The following THSD7A variants were observed in gnomAD, a reference collection of about 807,000 sequenced individuals.
THSD7A encodes thrombospondin type-1 domain-containing protein 7A.
Under a neutral mutation model 231.3 loss-of-function variants are expected in THSD7A, and 96 were observed. The observed-to-expected ratio is 0.41, with a 90% CI of 0.35 to 0.49. THSD7A has a LOEUF of 0.49. Ranked by LOEUF, THSD7A falls within the 20% of genes least tolerant of loss-of-function variation. THSD7A has a pLI of 0.05. For missense variants in THSD7A, 2,290 were observed against 2,070.2 expected (o/e 1.11, Z -2.06); for synonymous variants, 940 against 743.3 (o/e 1.26, Z -4.30).
intron 1 of THSD7A, among the ~76,000 whole-genome samples, chr7:11,718,068 A>G (rs887599262): frequency 1.3e-5 from 2 of 151,712 alleles, no homozygotes; most frequent in Non-Finnish European, 3.0e-5. Flanking sequence ...AGTAATTTGC[A>G]TAAGAGGAAA....
Position 11,616,623 on chromosome 7 carries a change from G to A in THSD7A, c.1022+19507C>T, listed in dbSNP as rs148859098. Among the ~76,000 whole-genome samples, 732 of 152,226 alleles carry A rather than the reference G, an allele frequency of 4.8e-3. 3 individuals are homozygous for A. Among genetic ancestry groups the A allele is most frequent in the Middle Eastern group, 6.8e-3 (2 of 294 alleles). ...TTTCTCTTACTCACTTAAGTGCCAG[G>A]AAGTAGTTCCCTTTCTTCTTGGTTC... is the stretch of plus-strand genomic sequence containing the variant. On this transcript the variant is annotated intron_variant, in intron 2 of 27. Transcript: ENST00000423059.
At chr7:11,763,096 C>T (rs1351985460) in intron 1 of THSD7A, among the ~76,000 whole-genome samples, 1 of 152,152 alleles carries the variant, frequency 6.6e-6, no homozygotes, top group Admixed American at 6.5e-5. Flanking sequence ...CAGAAAAAGA[C>T]AAAAGCTAAC....
At chr7:11,588,025 A>G (rs1325910955) in intron 4 of THSD7A, among the ~76,000 whole-genome samples, 1 of 152,210 alleles carries the variant, frequency 6.6e-6, no homozygotes, top group East Asian at 1.9e-4. Context: ...TGAGTTGTTC[A>G]TAGTACAGGT....
intron 1 of THSD7A, among the ~76,000 whole-genome samples, chr7:11,755,578 G>C (rs917289548): frequency 5.9e-5 from 9 of 152,034 alleles, no homozygotes; most frequent in Admixed American, 5.9e-4. Flanking sequence ...CGGGTAGAAA[G>C]AGCCTCGGAT....
At chr7:11,796,984 G>C (rs981682043) in intron 1 of THSD7A, among the ~76,000 whole-genome samples, 8 of 151,714 alleles carry the variant, frequency 5.3e-5, no homozygotes, top group African/African-American at 1.9e-4. Context: ...TTTCATTTCT[G>C]ATTTGACTTG....
chr7:11,639,742 G>C (rs1333161570), intron 1 of THSD7A, among the ~76,000 whole-genome samples: 4 of 152,086 alleles, frequency 2.6e-5, no homozygotes, highest in African/African-American at 7.2e-5. Context: ...TTTTATTATA[G>C]AAATCTGAGT....
At position 11,553,958 on chromosome 7, in the gene THSD7A, TTATATC is replaced by T. The variant is rs370201737; in HGVS notation, c.1454-10847_1454-10842del. On this transcript the variant is annotated intron_variant, in intron 4 of 27. Transcript: ENST00000423059. ...AAAGATAGTTTATATATCTTATAAA[TTATATC>T]TATAATTTTTAAATTAAATGTTTTG... Among the ~76,000 whole-genome samples the T allele has an allele frequency of 3.4e-3, 520 of 152,040 alleles. 3 individuals are homozygous for T. The highest frequency in any genetic ancestry group is 0.012 in the African/African-American group (496 of 41,510).
intron 6 of THSD7A, among the ~76,000 whole-genome samples, chr7:11,541,183 G>T (rs1017217856): frequency 1.3e-5 from 2 of 151,992 alleles, no homozygotes; most frequent in Non-Finnish European, 2.9e-5. Context: ...GATCTGTTCT[G>T]TTTTCACATT....
intron 4 of THSD7A, among the ~76,000 whole-genome samples, chr7:11,577,200 TTTTCACAGTAC>T (rs1790951971): frequency 6.6e-6 from 1 of 152,256 alleles, no homozygotes; most frequent in Non-Finnish European, 1.5e-5. Flanking sequence ...CATAACTGTA[TTTTCACAGTAC>T]TTCTGGGATT....
At chr7:11,480,253 G>A (rs116147353) in intron 7 of THSD7A, among the ~76,000 whole-genome samples, 152 of 152,244 alleles carry the variant, frequency 1.0e-3, no homozygotes, top group African/African-American at 3.5e-3. Context: ...AACATTTCAT[G>A]ACCTTTCCGT....
intron 1 of THSD7A, among the ~76,000 whole-genome samples, chr7:11,706,479 C>T (rs1173434997): frequency 6.6e-6 from 1 of 150,732 alleles, no homozygotes; most frequent in African/African-American, 2.4e-5. Flanking sequence ...ACACAATCTA[C>T]TTTTGTTCAC....
intron 1 of THSD7A, among the ~76,000 whole-genome samples, chr7:11,774,327 A>T (rs1389842344): frequency 6.6e-6 from 1 of 152,188 alleles, no homozygotes; most frequent in Non-Finnish European, 1.5e-5. Flanking sequence ...GGTTGCCAGG[A>T]GCTGGGGGAA....
chr7:11,378,516 G>T (rs1185161528), intron 26 of THSD7A, among the ~76,000 whole-genome samples: 1 of 152,216 alleles, frequency 6.6e-6, no homozygotes, highest in South Asian at 2.1e-4. Context: ...CTATCCAGAA[G>T]GGAAGGCTCC....
At chr7:11,737,346 T>A (rs1781951314) in intron 1 of THSD7A, among the ~76,000 whole-genome samples, 1 of 151,918 alleles carries the variant, frequency 6.6e-6, no homozygotes, top group Non-Finnish European at 1.5e-5. Context: ...GGGCTTAACA[T>A]CAGCATAGGG....
chr7:11,561,133 T>C (rs1052816332), intron 4 of THSD7A, among the ~76,000 whole-genome samples: 1 of 152,178 alleles, frequency 6.6e-6, no homozygotes, highest in Non-Finnish European at 1.5e-5. Flanking sequence ...TCAGTGTGTA[T>C]GTACCTCTAA....
rs577750491 is a variant in THSD7A at position 11,406,291 on chromosome 7, C to T, written c.4237+9G>A. ...AATCAGAATATGAATTCTCCTTTGC[C>T]GTTGTTACCTGGGCAAGGCTGGCTG... On this transcript the variant is annotated intron_variant, in intron 22 of 27. Coordinates refer to ENST00000423059, the MANE Select transcript of THSD7A (RefSeq NM_015204.3). This position sits in a 1 kb window ranked among gnomAD's most constrained non-coding sequence, Gnocchi z 4.7. 9 of 1,597,744 alleles carry T rather than the reference C, an allele frequency of 5.6e-6. No homozygotes were observed. The highest frequency in any genetic ancestry group is 4.5e-5 in the South Asian group (4 of 88,198).
intron 1 of THSD7A, among the ~76,000 whole-genome samples, chr7:11,647,342 A>G (rs1782321028): frequency 6.6e-6 from 1 of 152,020 alleles, no homozygotes; most frequent in Non-Finnish European, 1.5e-5. Flanking sequence ...GAGAGGGCCA[A>G]TCCTACTTCG....
intron 1 of THSD7A, among the ~76,000 whole-genome samples, chr7:11,807,064 A>C (rs1162125010): frequency 6.6e-6 from 1 of 152,072 alleles, no homozygotes; most frequent in Admixed American, 6.6e-5. Context: ...TGGTGTTGAC[A>C]TTATGACATG....
intron 22 of THSD7A, among the ~76,000 whole-genome samples, chr7:11,403,441 GA>G (rs1291698467): frequency 6.6e-6 from 1 of 152,088 alleles, no homozygotes; most frequent in Non-Finnish European, 1.5e-5. Context: ...AAAGAAACTA[GA>G]AAGAATTTCT....
Sources: gnomAD v4.1 joint callset for allele counts (sites outside exome capture counted in the v4.1 genomes callset) on GRCh38, gnomAD v4.1.1 for gene constraint, Gnocchi (gnomAD v3.1) non-coding constraint, MANE v1.5 for transcripts, NCBI Gene and HGNC (gene_info 2026-07-23, HGNC 2026-07-21) for gene names.